RABGAP1: variants seen among roughly 807,000 people sequenced by gnomAD.
The protein encoded by RABGAP1 is rab GTPase-activating protein 1.
RABGAP1 carries 23 observed loss-of-function variants against 137.6 expected under a neutral mutation model. The observed-to-expected ratio is 0.17, with a 90% CI of 0.12 to 0.24. The LOEUF is 0.24. Among genes scored for constraint, RABGAP1 ranks in the 10% least tolerant of loss-of-function variants. The pLI is 1.00. For missense variants in RABGAP1, 906 were observed against 1,275.8 expected, an observed-to-expected ratio of 0.71 and a Z score of 4.42; for synonymous variants, 451 against 450.7, an observed-to-expected ratio of 1.00 and a Z score of -0.01.
At chr9:122,987,623 A>G (rs181688248) in intron 4 of RABGAP1, among the ~76,000 whole-genome samples, 73 of 152,290 alleles carry the variant, frequency 4.8e-4, no homozygotes, top group African/African-American at 1.7e-3. Flanking sequence ...ATGATGGCAT[A>G]TGAATGGGTT....
At chr9:123,028,978 T>C (rs2032144599) in intron 13 of RABGAP1, among the ~76,000 whole-genome samples, 1 of 152,232 alleles carries the variant, frequency 6.6e-6, no homozygotes, top group African/African-American at 2.4e-5. Flanking sequence ...TTGCTTATTA[T>C]CTGTATTATC....
intron 2 of RABGAP1, among the ~76,000 whole-genome samples, chr9:122,959,974 C>A (rs1185553607): frequency 6.6e-6 from 1 of 152,188 alleles, no homozygotes; most frequent in Non-Finnish European, 1.5e-5. Flanking sequence ...AGAGATTTTA[C>A]CTTCAGAGAA....
At position 123,090,512 on chromosome 9, in the gene RABGAP1, T is replaced by G. The variant is rs2035003593; in HGVS notation, c.2628+127T>G. The G allele has an allele frequency of 3.8e-5, 27 of 707,920 alleles. 1 individual carries two copies. In the South Asian group the frequency reaches 5.8e-4, roughly 15 times the overall value. 43.9% of individuals were successfully genotyped at this position (707,920 alleles called of 1,614,324 possible). On this transcript the variant is annotated intron_variant, in intron 21 of 25. Transcript: ENST00000373647. The stretch of plus-strand genomic sequence containing the variant: ...TAAAGTTTCCCGCTTGTGATACAAC[T>G]TGCTTGTCAGTGTCACTTCCCTCCT...
chr9:123,050,526 T>C (rs1165403324), intron 13 of RABGAP1, among the ~76,000 whole-genome samples: 1 of 152,236 alleles, frequency 6.6e-6, no homozygotes, highest in African/African-American at 2.4e-5. Context: ...TTGCTAGTCA[T>C]GTAGGGACAA....
At chr9:123,060,687 C>T (rs2033936296) in intron 13 of RABGAP1, among the ~76,000 whole-genome samples, 1 of 152,154 alleles carries the variant, frequency 6.6e-6, no homozygotes, top group African/African-American at 2.4e-5. Context: ...TCATGTGTGT[C>T]AGTTTGTGTT....
chr9:122,939,451 C>A (rs1588138957), upstream of RABGAP1: 1 of 151,950 alleles, frequency 6.6e-6, no homozygotes, highest in Middle Eastern at 3.4e-3. Flanking sequence ...AAATTACAGG[C>A]ATGAGCCACC....
At chr9:122,999,344 G>A (rs969361421) in intron 10 of RABGAP1, among the ~76,000 whole-genome samples, 1 of 151,426 alleles carries the variant, frequency 6.6e-6, no homozygotes, top group Non-Finnish European at 1.5e-5. Context: ...CAGCATGCCC[G>A]GCTAATTTTT....
chr9:123,029,703 C>T lies in RABGAP1; in HGVS notation c.1794+9244C>T, dbSNP rs568949188. 2.1e-5 allele frequency: 14 copies of T among 664,186 alleles called. No individual in the cohort carries two copies. The East Asian group carries it at 5.1e-4, about 24-fold the overall frequency. 41.1% of individuals were successfully genotyped at this position (664,186 alleles called of 1,614,324 possible). On this transcript the variant is annotated intron_variant, in intron 13 of 25. Coordinates refer to ENST00000373647, the MANE Select transcript of RABGAP1 (RefSeq NM_012197.4). The stretch of plus-strand genomic sequence containing the variant: ...GTTTGTTCACTGGGTCTTTGTCTTT[C>T]TTGGCTGACTTTCCAGTGTCTGTCT...
At chr9:123,024,925 A>G (rs565934916) in intron 13 of RABGAP1, among the ~76,000 whole-genome samples, 48 of 152,244 alleles carry the variant, frequency 3.2e-4, no homozygotes, top group African/African-American at 9.1e-4. Flanking sequence ...GATTTTATTT[A>G]TGGTTTTATG....
chr9:123,019,574 C>T (rs1252929319), intron 12 of RABGAP1, among the ~76,000 whole-genome samples: 1 of 152,184 alleles, frequency 6.6e-6, no homozygotes, highest in Non-Finnish European at 1.5e-5. Context: ...CTTGGCCTCT[C>T]AAAGCAGTGG....
At position 122,984,513 on chromosome 9, in the gene RABGAP1, T is replaced by G; in HGVS notation, c.179T>G (p.Leu60Arg). 6.2e-7 allele frequency: 1 copy of G among 1,614,120 alleles called. No homozygotes were observed. The highest frequency in any genetic ancestry group is 2.2e-5 in the East Asian group (1 of 44,884). Residue 60 changes from leucine (L) to arginine (R), a missense_variant, in exon 3 of 26, where the codon CTG becomes CGG. By Grantham distance (102) the Leu-to-Arg change is moderately radical. This residue lies in a region of RABGAP1 where 331 missense variants were observed against 358.3 expected (regional missense o/e 0.92). Coordinates refer to ENST00000373647, the MANE Select transcript of RABGAP1 (RefSeq NM_012197.4). ...GTAGGGAATGGAAGTGAACAGCAGCTGCAAAAAGAGCTAGCAGATGTACTG... is the reference window on the plus strand; with the variant it reads ...GTAGGGAATGGAAGTGAACAGCAGCGGCAAAAAGAGCTAGCAGATGTACTG... ...KIVGNGSEQQ[L>R]QKELADVLMD... is the part of the protein sequence containing the mutation.
chr9:123,049,709 T>C (rs922049271), intron 13 of RABGAP1, among the ~76,000 whole-genome samples: 1 of 152,216 alleles, frequency 6.6e-6, no homozygotes, highest in Non-Finnish European at 1.5e-5. Flanking sequence ...GACAGGGCAC[T>C]AAGTCCCAAA....
Position 122,959,604 on chromosome 9 carries a change from A to T in RABGAP1, c.150+2395A>T, listed in dbSNP as rs114390869. 5.9e-3 allele frequency among the ~76,000 whole-genome samples: 898 copies of T among 152,310 alleles called. 10 individuals are homozygous for T. The highest frequency in any genetic ancestry group is 0.021 in the African/African-American group (868 of 41,570). Reference sequence around the variant, plus strand: ...TCAAGAAAATTCATAAAATTTGGTCAGAGGGGCAAGAACCTGTTATTGGTA... The same window carrying T: ...TCAAGAAAATTCATAAAATTTGGTCTGAGGGGCAAGAACCTGTTATTGGTA... On this transcript the variant is annotated intron_variant, in intron 2 of 25. Coordinates refer to ENST00000373647, the MANE Select transcript of RABGAP1 (RefSeq NM_012197.4).
chr9:123,081,312 C>T (rs745333792), intron 19 of RABGAP1, among the ~76,000 whole-genome samples: 5 of 152,180 alleles, frequency 3.3e-5, no homozygotes, highest in South Asian at 4.1e-4. Context: ...GTGCGCAGGG[C>T]GTCAGTGCCC....
At chr9:123,100,673 C>T (rs955380532) in intron 24 of RABGAP1, among the ~76,000 whole-genome samples, 16 of 152,150 alleles carry the variant, frequency 1.1e-4, no homozygotes, top group Non-Finnish European at 8.8e-5. Context: ...CCCGCCTTGG[C>T]CTCCCAAAGT....
At chr9:123,033,989 A>G (rs2032458483) in intron 13 of RABGAP1, among the ~76,000 whole-genome samples, 2 of 152,168 alleles carry the variant, frequency 1.3e-5, no homozygotes, top group Admixed American at 6.5e-5. Flanking sequence ...TGAAAGCTTG[A>G]TGTTGCTGCT....
intron 1 of RABGAP1, chr9:122,945,306 A>G (rs1394120559): frequency 1.3e-5 from 2 of 151,970 alleles, no homozygotes; most frequent in South Asian, 2.1e-4. Context: ...GTTGACCCTA[A>G]CAGCCTTGTT....
intron 13 of RABGAP1, among the ~76,000 whole-genome samples, chr9:123,024,046 A>C (rs1185020544): frequency 6.6e-6 from 1 of 152,164 alleles, no homozygotes; most frequent in African/African-American, 2.4e-5. Flanking sequence ...CATGTGGGAA[A>C]TTTTCAATAT....
In RABGAP1 at chr9:123,103,624, TATATATATATATAG is replaced by T. The variant is rs2035412694; in HGVS notation, c.*412_*425del. The T allele has an allele frequency of 1.1e-5, 1 of 91,202 alleles. No individual in the cohort carries two copies. The highest frequency in any genetic ancestry group is 5.9e-5 in the African/African-American group (1 of 16,946). The allele number at this position is 91,202 out of a possible 1,614,324, so 5.6% of individuals were successfully genotyped here. ...ATATATATATATATATATATATATATATATATATATATAGTGGGGGTGGGGCAAGGGATCAGAAA... is the reference window on the plus strand; with the variant it reads ...ATATATATATATATATATATATATATTGGGGGTGGGGCAAGGGATCAGAAA... On this transcript the variant is annotated 3_prime_UTR_variant, in exon 26 of 26. Coordinates refer to ENST00000373647, the MANE Select transcript of RABGAP1 (RefSeq NM_012197.4).
Sources: gnomAD v4.1 joint callset for allele counts (sites outside exome capture counted in the v4.1 genomes callset) on GRCh38, gnomAD v4.1.1 for gene constraint, gnomAD v4.1.1 regional missense constraint, MANE v1.5 for transcripts, NCBI Gene and HGNC (gene_info 2026-07-23, HGNC 2026-07-21) for gene names.